CLASP2: variants seen among roughly 807,000 people sequenced by gnomAD.
CLASP2 encodes CLIP-associating protein 2.
CLASP2 carries 47 observed loss-of-function variants against 194.4 expected under a neutral mutation model. That is an observed-to-expected ratio of 0.24 (90% confidence interval 0.19 to 0.31). The LOEUF is 0.31. Among genes scored for constraint, CLASP2 ranks in the 10% least tolerant of loss-of-function variants. The probability of loss-of-function intolerance (pLI) is 1.00; values close to 1 mark genes in which losing one functional copy is unlikely to be tolerated. For missense variants in CLASP2, 1,445 were observed against 1,823.6 expected, an observed-to-expected ratio of 0.79 and a Z score of 3.78; for synonymous variants, 619 against 633.5, an observed-to-expected ratio of 0.98 and a Z score of 0.34.
At chr3:33,577,192 C>A (rs1479564314) in intron 23 of CLASP2, 3 of 1,584,568 alleles carry the variant, frequency 1.9e-6, no homozygotes, top group Non-Finnish European at 2.6e-6. Flanking sequence ...AAAATGTACT[C>A]ATCCTTCACC....
intron 37 of CLASP2, chr3:33,502,471 T>C (rs2047065990): frequency 6.6e-6 from 1 of 152,200 alleles, no homozygotes; most frequent in African/African-American, 2.4e-5. Context: ...TTATAATTGC[T>C]ACTTTGAAAT....
intron 8 of CLASP2, among the ~76,000 whole-genome samples, chr3:33,634,981 C>A (rs903571823): frequency 1.3e-5 from 2 of 151,886 alleles, no homozygotes; most frequent in African/African-American, 4.8e-5. Flanking sequence ...AAATGGAGAG[C>A]CAGGCGCAGT....
chr3:33,510,479 A>G, intron 37 of CLASP2, 79 bp downstream of exon 37: 1 of 1,310,386 alleles, frequency 7.6e-7, no homozygotes, highest in Non-Finnish European at 1.1e-6. Flanking sequence ...TCATGCCAGT[A>G]ATGATGCCTG....
chr3:33,614,508 G>GA (rs2075761584), intron 12 of CLASP2, among the ~76,000 whole-genome samples: 1 of 152,146 alleles, frequency 6.6e-6, no homozygotes, highest in Non-Finnish European at 1.5e-5. Flanking sequence ...TAGTATTAGT[G>GA]AAAGACAATT....
intron 14 of CLASP2, among the ~76,000 whole-genome samples, chr3:33,607,945 G>C (rs2074258613): frequency 6.6e-6 from 1 of 152,084 alleles, no homozygotes; most frequent in African/African-American, 2.4e-5. Context: ...TTAAAAATGA[G>C]CTTTAAGAAT....
intron 12 of CLASP2, 84 bp downstream of exon 12, chr3:33,619,519 G>A: frequency 7.2e-6 from 9 of 1,241,952 alleles, no homozygotes; most frequent in Non-Finnish European, 9.8e-6. Context: ...GGGGTGGGGT[G>A]GGGAAAGGAG....
At chr3:33,617,917 C>A (rs1176462028) in intron 12 of CLASP2, among the ~76,000 whole-genome samples, 3 of 147,038 alleles carry the variant, frequency 2.0e-5, no homozygotes, top group Admixed American at 6.8e-5. Flanking sequence ...AAGAATGGTG[C>A]GGATAATTAT....
intron 7 of CLASP2, among the ~76,000 whole-genome samples, chr3:33,660,381 C>T (rs779920210): frequency 7.9e-5 from 12 of 152,150 alleles, no homozygotes; most frequent in Non-Finnish European, 2.9e-5. Flanking sequence ...GCCTAACTTA[C>T]TTTTACAATA....
chr3:33,654,881 T>C (rs1298937585), intron 7 of CLASP2, among the ~76,000 whole-genome samples: 2 of 152,160 alleles, frequency 1.3e-5, no homozygotes, highest in Admixed American at 1.3e-4. Flanking sequence ...TTGAAATTTC[T>C]AGGTAGATAT....
Position 33,573,226 on chromosome 3 carries a change from C to T in CLASP2, c.2583G>A (p.Met861Ile). The T allele has an allele frequency of 6.2e-7, 1 of 1,613,942 alleles. No homozygotes were observed. The highest frequency in any genetic ancestry group is 8.5e-7 in the Non-Finnish European group (1 of 1,179,848). ...SSRNGSIPTYMRQTEDVAEVL... is the reference protein window; with the variant it reads ...SSRNGSIPTYIRQTEDVAEVL... ...CTTCTGCCACATCTTCCGTCTGCCTCATATATGTAGGAATACTACCATTTC... is the reference window on the plus strand; with the variant it reads ...CTTCTGCCACATCTTCCGTCTGCCTTATATATGTAGGAATACTACCATTTC... Residue 861 changes from methionine (M) to isoleucine (I), a missense_variant, in exon 25 of 39, where the codon ATG becomes ATA. Met to Ile is a conservative substitution (Grantham distance 10). Transcript: ENST00000682230.
intron 1 of CLASP2, among the ~76,000 whole-genome samples, chr3:33,713,018 A>G (rs1277170651): frequency 5.5e-5 from 5 of 91,050 alleles, no homozygotes; most frequent in Non-Finnish European, 1.1e-4. Context: ...ACCTCAAAAA[A>G]AAAAAAAAAA....
chr3:33,517,888 A>G (rs1054122191), intron 34 of CLASP2, among the ~76,000 whole-genome samples: 4 of 152,138 alleles, frequency 2.6e-5, no homozygotes, highest in African/African-American at 9.7e-5. Flanking sequence ...TCCTGGGCTC[A>G]AGTGATCTAC....
In CLASP2 at chr3:33,718,154, A is replaced by C. The variant is rs1208632727; in HGVS notation, c.-152T>G. ...CGGGGCGCAGCGGGCGGCGGGAGGAACGCCAAGCGCCCAGCCGCCCCCAAA... is the reference window on the plus strand; with the variant it reads ...CGGGGCGCAGCGGGCGGCGGGAGGACCGCCAAGCGCCCAGCCGCCCCCAAA... On this transcript the variant is annotated 5_prime_UTR_variant, in exon 1 of 39. Transcript: ENST00000682230. 1 of 690,616 alleles carries C rather than the reference A, an allele frequency of 1.4e-6. No individual in the cohort carries two copies. The highest frequency in any genetic ancestry group is 2.1e-6 in the Non-Finnish European group (1 of 467,654). 42.8% of individuals were successfully genotyped at this position (690,616 alleles called of 1,614,324 possible).
intron 31 of CLASP2, 30 bp from the exon 32 acceptor site, chr3:33,543,569 A>G (rs771806996): frequency 3.0e-6 from 4 of 1,348,434 alleles, no homozygotes; most frequent in Non-Finnish European, 3.2e-6. Flanking sequence ...AAATATTAAC[A>G]TATTACAGGT....
At chr3:33,507,863 T>C (rs2048697090) in intron 37 of CLASP2, among the ~76,000 whole-genome samples, 1 of 151,988 alleles carries the variant, frequency 6.6e-6, no homozygotes, top group Admixed American at 6.6e-5. Flanking sequence ...GTCTAACTCC[T>C]CCATTATATA....
intron 8 of CLASP2, among the ~76,000 whole-genome samples, chr3:33,642,516 C>T (rs151189119): frequency 1.2e-4 from 18 of 151,864 alleles, no homozygotes; most frequent in Middle Eastern, 3.4e-3. Context: ...TGTAGTGGCA[C>T]GGCAGGTGAT....
At chr3:33,547,432 A>G (rs2059325756) in intron 30 of CLASP2, among the ~76,000 whole-genome samples, 1 of 152,216 alleles carries the variant, frequency 6.6e-6, no homozygotes, top group South Asian at 2.1e-4. Flanking sequence ...TTTATTTTGT[A>G]AATTGCCCAG....
Position 33,544,861 on chromosome 3 carries a change from A to C in CLASP2, c.3154-20T>G. 1 of 1,571,122 alleles carries C rather than the reference A, an allele frequency of 6.4e-7. No individual in the cohort carries two copies. The highest frequency in any genetic ancestry group is 1.9e-5 in the Admixed American group (1 of 53,822). On this transcript the variant is annotated intron_variant, in intron 30 of 38. Transcript: ENST00000682230. The stretch of plus-strand genomic sequence containing the variant: ...TGCTGCCTAAAAAACAAAGGCATAC[A>C]GTAGATGAATATATTTTTGTTACTC...
At chr3:33,624,794 A>C (rs1577369947) in intron 10 of CLASP2, among the ~76,000 whole-genome samples, 6 of 152,248 alleles carry the variant, frequency 3.9e-5, no homozygotes, top group Admixed American at 3.9e-4. Flanking sequence ...GAAACCATAG[A>C]TAAGGGGAGA....
Sources: allele counts gnomAD v4.1 joint callset (sites outside exome capture counted in the v4.1 genomes callset), GRCh38; gene constraint gnomAD v4.1.1; transcripts MANE v1.5; gene names NCBI Gene and HGNC (gene_info 2026-07-23, HGNC 2026-07-21).